Variants in ACLY observed in about 807,000 individuals in gnomAD.
The protein encoded by ACLY is ATP-citrate synthase.
ACLY carries 41 observed loss-of-function variants against 133.0 expected under a neutral mutation model. The observed-to-expected ratio is 0.31, with a 90% CI of 0.24 to 0.40. ACLY has a LOEUF of 0.40. Among genes scored for constraint, ACLY ranks in the 10% least tolerant of loss-of-function variants. The pLI is 1.00. For synonymous variants in ACLY, 495 were observed against 549.3 expected (o/e 0.90, Z 1.38); for missense variants, 1,046 against 1,453.8 (o/e 0.72, Z 4.56).
At chr17:41,898,815 T>C (rs940652950) in intron 11 of ACLY, 30 bp from the exon 12 acceptor site, 3 of 1,601,898 alleles carry the variant, frequency 1.9e-6, no homozygotes, top group Admixed American at 1.7e-5. Context: ...AAATCCATAA[T>C]TCAAGTCTGC....
At chr17:41,930,537 G>T in exon 1 of ACLY, 3 of 556,038 alleles carry the variant, frequency 5.4e-6, no homozygotes, top group Non-Finnish European at 9.7e-6. Context: ...CCCAGTGCGC[G>T]GCAGAACTGG....
At chr17:41,898,361 C>T (rs1049534375) in intron 12 of ACLY, among the ~76,000 whole-genome samples, 2 of 152,236 alleles carry the variant, frequency 1.3e-5, no homozygotes, top group African/African-American at 4.8e-5. Context: ...GATCCGCCAG[C>T]CTCGGCCTCC....
Position 41,909,652 on chromosome 17 carries a change from C to T in ACLY, c.394G>A (p.Val132Ile), listed in dbSNP as rs781804168. ...CIYATREGDY[V>I]LFHHEGGVDV... ...ACACCCCCCTCGTGGTGGAACAGGA[C>T]GTAGTCCCCTTCTCGGGTGGCATAG... The change falls in exon 5 of 29, where the codon GTC becomes ATC. Residue 132 changes from valine to isoleucine, a missense_variant. Transcript: ENST00000352035. 2.4e-5 allele frequency: 39 copies of T among 1,614,088 alleles called. No homozygotes were observed. The highest frequency in any genetic ancestry group is 4.5e-5 in the East Asian group (2 of 44,894).
intron 7 of ACLY, 73 bp downstream of exon 7, chr17:41,907,369 A>G: frequency 3.4e-6 from 5 of 1,456,312 alleles, no homozygotes; most frequent in Non-Finnish European, 4.7e-6. Context: ...GGGGGGCCAA[A>G]TGCACATCAA....
chr17:41,901,964 G>A, intron 10 of ACLY, 151 bp from the exon 11 acceptor site: 1 of 616,964 alleles, frequency 1.6e-6, no homozygotes, highest in Non-Finnish European at 2.8e-6. Context: ...CCTGGGATAT[G>A]ATCACTCAGA....
chr17:41,904,881 C>A, intron 9 of ACLY, 91 bp from the exon 10 acceptor site: 1 of 1,282,982 alleles, frequency 7.8e-7, no homozygotes. Context: ...TCTTGTTCCC[C>A]TGAATGAGGG....
intron 20 of ACLY, among the ~76,000 whole-genome samples, chr17:41,882,584 G>A (rs963548674): frequency 1.3e-5 from 2 of 152,106 alleles, no homozygotes; most frequent in Non-Finnish European, 2.9e-5. Context: ...AGATAGCTCA[G>A]AAGCTTAGCA....
chr17:41,868,635 C>T (rs2048524983), intron 28 of ACLY, 74 bp downstream of exon 28: 1 of 990,868 alleles, frequency 1.0e-6, no homozygotes, highest in South Asian at 2.1e-5. Flanking sequence ...AGAAACTCAA[C>T]CCCATGAGTA....
rs534289739 is a variant in ACLY, at chr17:41,883,154, T to A, written c.2233A>T (p.Ile745Phe). The A allele has an allele frequency of 6.2e-7, 1 of 1,614,064 alleles. No individual in the cohort carries two copies. Among genetic ancestry groups the A allele is most frequent in the Admixed American group, 1.7e-5 (1 of 60,024 alleles). ...GAGAACATGGTGGCACACGTCCCGATGCACCAGCAGACGATGGGCTTAGTG... is the reference window on the plus strand; with the variant it reads ...GAGAACATGGTGGCACACGTCCCGAAGCACCAGCAGACGATGGGCTTAGTG... ...RLTKPIVCWC[I>F]GTCATMFSSE... Residue 745 changes from isoleucine (I) to phenylalanine (F), a missense_variant, in exon 20 of 29, where the codon ATC becomes TTC. Transcript: ENST00000352035.
At chr17:41,896,514 G>A in intron 14 of ACLY, 106 bp downstream of exon 14, 1 of 1,045,966 alleles carries the variant, frequency 9.6e-7, no homozygotes, top group African/African-American at 1.6e-5. Context: ...AAATAGACCA[G>A]ACGACACTGC....
At chr17:41,880,439 A>G (rs1331403554) in intron 20 of ACLY, among the ~76,000 whole-genome samples, 3 of 152,248 alleles carry the variant, frequency 2.0e-5, no homozygotes, top group South Asian at 2.1e-4. Flanking sequence ...TTTAATCTGC[A>G]TCGGCAGATG....
chr17:41,874,922 C>CAA (rs76281431), intron 22 of ACLY, among the ~76,000 whole-genome samples: 11,978 of 127,872 alleles, frequency 0.094, 771 homozygotes, highest in African/African-American at 0.16. Flanking sequence ...TGTGTTATAG[C>CAA]AAAAAAAAAA....
upstream of ACLY, among the ~76,000 whole-genome samples, chr17:41,922,828 G>T (rs748820236): frequency 6.6e-6 from 1 of 152,196 alleles, no homozygotes; most frequent in Admixed American, 6.5e-5. Context: ...CAGAGAGTGA[G>T]GGGGAAGAGG....
chr17:41,920,371 G>A (rs1193484602), upstream of ACLY, among the ~76,000 whole-genome samples: 111 of 151,996 alleles, frequency 7.3e-4, 2 homozygotes, highest in Admixed American at 7.3e-3. Flanking sequence ...AGGCCAAGGT[G>A]GGGGATCACT....
At chr17:41,886,850 A>C (rs782185293) in intron 17 of ACLY, among the ~76,000 whole-genome samples, 4 of 152,142 alleles carry the variant, frequency 2.6e-5, no homozygotes, top group Non-Finnish European at 4.4e-5. Context: ...TCAGCCAGGC[A>C]TGGTGGCTCA....
At chr17:41,914,112 G>C (rs986123202) in intron 1 of ACLY, among the ~76,000 whole-genome samples, 5 of 152,208 alleles carry the variant, frequency 3.3e-5, no homozygotes, top group African/African-American at 1.2e-4. Context: ...AGAGATAATG[G>C]GTGAGGGAAG....
intron 1 of ACLY, among the ~76,000 whole-genome samples, chr17:41,917,800 C>G (rs184008116): frequency 8.6e-4 from 131 of 152,152 alleles, no homozygotes; most frequent in African/African-American, 3.0e-3. Context: ...GGGGTCTTCC[C>G]ACTACCGCCC....
chr17:41,919,166 C>A (rs2050138909), upstream of ACLY: 2 of 934,272 alleles, frequency 2.1e-6, no homozygotes, highest in Non-Finnish European at 2.8e-6. Flanking sequence ...GCCCATCCAC[C>A]GCCTCTTGGG....
At chr17:41,926,867 G>A (rs920609666) in intron 1 of ACLY, among the ~76,000 whole-genome samples, 2 of 150,524 alleles carry the variant, frequency 1.3e-5, no homozygotes, top group African/African-American at 4.9e-5. Context: ...AATTTGATGA[G>A]GTTTTTGGTC....
Sources: gnomAD v4.1 joint callset for allele counts (sites outside exome capture counted in the v4.1 genomes callset) on GRCh38, gnomAD v4.1.1 for gene constraint, MANE v1.5 for transcripts, NCBI Gene and HGNC (gene_info 2026-07-23, HGNC 2026-07-21) for gene names.